ERVW-1: variants seen among roughly 807,000 people sequenced by gnomAD.
ERVW-1 encodes the protein syncytin-1.
A neutral mutation model predicts 16.6 loss-of-function variants in ERVW-1; 21 were observed. The ratio of observed to expected loss-of-function variants is 1.26; its 90% confidence interval spans 0.90 to 1.82. The LOEUF (loss-of-function observed/expected upper bound fraction) is 1.82, where lower values mean the gene tolerates loss of function less well. Ranked by LOEUF, ERVW-1 falls within the 40% of genes most tolerant of loss-of-function variation. ERVW-1 has a pLI of 0.00. For missense variants in ERVW-1, 412 were observed against 300.2 expected (o/e 1.37, Z -2.75); for synonymous variants, 161 against 109.8 (o/e 1.47, Z -2.92).
chr7:92,469,440 G>A lies in ERVW-1; in HGVS notation c.942C>T (p.Arg314=). 1 of 770,752 alleles carries A rather than the reference G, an allele frequency of 1.3e-6. No homozygotes were observed. The highest frequency in any genetic ancestry group is 2.4e-6 in the Non-Finnish European group (1 of 414,984). The allele number at this position is 770,752 out of a possible 1,614,324, so 47.7% of individuals were successfully genotyped here. ...AAGGAAGAATGGGTACTCTTTTGTT[G>A]CGGGGCTTAGATATGACATAACTGT... ...DLYSYVISKP[R]NKRVPILPFV... The change falls in exon 2 of 2, where the codon CGC becomes CGT. Residue 314 remains arginine, a synonymous_variant. Transcript: ENST00000603053.
chr7:92,474,348 CAGAG>C (rs1299704289), intron 1 of ERVW-1, among the ~76,000 whole-genome samples: 1 of 152,192 alleles, frequency 6.6e-6, no homozygotes, highest in Non-Finnish European at 1.5e-5. Context: ...AGTCAGGTGA[CAGAG>C]AGGCACGCTT....
In ERVW-1 at chr7:92,469,281, G is replaced by C. The variant is rs558607456; in HGVS notation, c.1101C>G (p.Thr367=). 6.5e-6 allele frequency: 5 copies of C among 764,384 alleles called. No homozygotes were observed. In the African/African-American group the frequency reaches 8.4e-5, roughly 13 times the overall value. 47.4% of individuals were successfully genotyped at this position (764,384 alleles called of 1,614,324 possible). Residue 367 remains threonine, a synonymous_variant, in exon 2 of 2, where the codon ACC becomes ACG. Coordinates refer to ENST00000603053, the MANE Select transcript of ERVW-1 (RefSeq NM_001130925.2). ...CTAGGGAGTTAAGTTGATCTTGCAA[G>C]GTGACCAGGGAGTCGGCGACCCGTT... ...DMERVADSLV[T]LQDQLNSLAA... is the part of the protein sequence containing the mutation.
chr7:92,477,056 A>G (rs1041603889), intron 1 of ERVW-1, among the ~76,000 whole-genome samples: 4 of 152,188 alleles, frequency 2.6e-5, no homozygotes, highest in Non-Finnish European at 4.4e-5. Context: ...GGGTGCATGC[A>G]TGGGCGACTG....
At chr7:92,475,266 C>T (rs996899583) in intron 1 of ERVW-1, 1 of 151,706 alleles carries the variant, frequency 6.6e-6, no homozygotes, top group Non-Finnish European at 1.5e-5. Context: ...CTCCAGAATA[C>T]GTCTTAGGGG....
chr7:92,474,059 C>A (rs982617820), intron 1 of ERVW-1, among the ~76,000 whole-genome samples: 1 of 151,934 alleles, frequency 6.6e-6, no homozygotes, highest in African/African-American at 2.4e-5. Flanking sequence ...GGAAGCAAGC[C>A]CTATTAGGCA....
At chr7:92,475,657 C>A (rs1790508971) in intron 1 of ERVW-1, among the ~76,000 whole-genome samples, 1 of 142,472 alleles carries the variant, frequency 7.0e-6, no homozygotes, top group Non-Finnish European at 1.5e-5. Flanking sequence ...GTCCTGCACC[C>A]CTTTTCCCGC....
At chr7:92,475,277 C>T (rs567067211) in intron 1 of ERVW-1, 6 of 152,092 alleles carry the variant, frequency 3.9e-5, no homozygotes, top group African/African-American at 9.6e-5. Flanking sequence ...GTCTTAGGGG[C>T]GTTTTTGTCT....
chr7:92,470,114 T>G lies in ERVW-1; in HGVS notation c.268A>C (p.Lys90Gln). ...MHANTHYWTG[K>Q]MINPSCPGGL... ...CCAGGACAACTAGGATTAATCATTTTTCCTGTCCAATAATGAGTATTTGCA... is the reference window on the plus strand; with the variant it reads ...CCAGGACAACTAGGATTAATCATTTGTCCTGTCCAATAATGAGTATTTGCA... Residue 90 changes from lysine (K) to glutamine (Q), a missense_variant, in exon 2 of 2, where the codon AAA becomes CAA. Coordinates refer to ENST00000603053, the MANE Select transcript of ERVW-1 (RefSeq NM_001130925.2). The G allele has an allele frequency of 1.3e-6, 1 of 778,890 alleles. No individual in the cohort carries two copies. Among genetic ancestry groups the G allele is most frequent in the Non-Finnish European group, 2.4e-6 (1 of 417,952 alleles). 48.2% of individuals were successfully genotyped at this position (778,890 alleles called of 1,614,324 possible). A position where few individuals can be genotyped will look rare whatever the true frequency, so the allele number is the denominator to read the frequency against.
At chr7:92,473,157 G>C (rs1585192004) in intron 1 of ERVW-1, 1 of 152,188 alleles carries the variant, frequency 6.6e-6, no homozygotes, top group South Asian at 2.1e-4. Context: ...GTCCAGGACT[G>C]TAAACCACTC....
intron 1 of ERVW-1, chr7:92,473,037 TG>T (rs1219954173): frequency 2.0e-5 from 3 of 152,158 alleles, no homozygotes; most frequent in Non-Finnish European, 2.9e-5. Flanking sequence ...CCTGAACCCT[TG>T]GGGTAAAATA....
intron 1 of ERVW-1, among the ~76,000 whole-genome samples, chr7:92,475,750 CA>C (rs1562833311): frequency 6.6e-6 from 1 of 152,206 alleles, no homozygotes; most frequent in African/African-American, 2.4e-5. Context: ...CCTTTGCGCT[CA>C]GGGGTGAGTC....
In ERVW-1 at chr7:92,469,910, G is replaced by C. The variant is rs754297939; in HGVS notation, c.472C>G (p.Leu158Val). 6.4e-6 allele frequency: 5 copies of C among 778,672 alleles called. No homozygotes were observed. In the East Asian group the frequency reaches 1.2e-4, roughly 19 times the overall value. The allele number at this position is 778,672 out of a possible 1,614,324, so 48.2% of individuals were successfully genotyped here. ...GLDLSKLHET[L>V]RTHTRLVSLF... ...CTTACCAGGCGAGTATGGGTACGGA[G>C]GGTTTCATGTAGTTTTGAGAGATCT... The change falls in exon 2 of 2, where the codon CTC (leucine) becomes GTC (valine). Residue 158 changes from leucine to valine, a missense_variant. Leu to Val is a conservative substitution (Grantham distance 32). Transcript: ENST00000603053.
Position 92,469,437 on chromosome 7 carries a change from GT to G in ERVW-1, c.944del (p.Asn315ThrfsTer11), listed in dbSNP as rs1209952255. ...LYSYVISKPR[N>X]KRVPILPFVI... Reference sequence around the variant, plus strand: ...CAAAAGGAAGAATGGGTACTCTTTTGTTGCGGGGCTTAGATATGACATAACT... The same window carrying G: ...CAAAAGGAAGAATGGGTACTCTTTTGTGCGGGGCTTAGATATGACATAACT... On this transcript the variant is annotated frameshift_variant, in exon 2 of 2. Transcript: ENST00000603053. LOFTEE classifies it high-confidence loss of function. The G allele has an allele frequency of 1.3e-6, 1 of 771,132 alleles. No individual in the cohort carries two copies. Among genetic ancestry groups the G allele is most frequent in the Non-Finnish European group, 2.4e-6 (1 of 415,240 alleles). The allele number at this position is 771,132 out of a possible 1,614,324, so 47.8% of individuals were successfully genotyped here. A position where few individuals can be genotyped will look rare whatever the true frequency, so the allele number is the denominator to read the frequency against.
At chr7:92,474,520 T>C (rs1226519449) in intron 1 of ERVW-1, 1 of 152,282 alleles carries the variant, frequency 6.6e-6, no homozygotes, top group Non-Finnish European at 1.5e-5. Context: ...CCAATCTCCA[T>C]GTTCTGATTC....
At chr7:92,472,790 G>A (rs1338663693) in intron 1 of ERVW-1, 1 of 152,220 alleles carries the variant, frequency 6.6e-6, no homozygotes, top group Non-Finnish European at 1.5e-5. Context: ...GGGCCCTGGT[G>A]CCTTTGGATA....
intron 1 of ERVW-1, chr7:92,471,208 C>T (rs780860042): frequency 1.4e-4 from 24 of 167,036 alleles, no homozygotes; most frequent in Non-Finnish European, 3.4e-4. Flanking sequence ...TACTGAAATC[C>T]CTGAGGTTTG....
Position 92,469,215 on chromosome 7 carries a change from T to C in ERVW-1, c.1167A>G (p.Leu389=). Residue 389 remains leucine, a synonymous_variant, in exon 2 of 2, where the codon CTA becomes CTG. Coordinates refer to ENST00000603053, the MANE Select transcript of ERVW-1 (RefSeq NM_001130925.2). ...AACAGGTTCCCCCTCTTTCAGCGGT[T>C]AGCAAGTCTAAAGCTCTTCGATTTT... ...VLQNRRALDL[L]TAERGGTCLF... 2 of 758,644 alleles carry C rather than the reference T, an allele frequency of 2.6e-6. No homozygotes were observed. The highest frequency in any genetic ancestry group is 4.8e-6 in the Non-Finnish European group (2 of 414,862). The allele number at this position is 758,644 out of a possible 1,614,324, so 47.0% of individuals were successfully genotyped here.
At chr7:92,477,150 G>A (rs1435009801) in intron 1 of ERVW-1, among the ~76,000 whole-genome samples, 1 of 152,040 alleles carries the variant, frequency 6.6e-6, no homozygotes, top group Non-Finnish European at 1.5e-5. Flanking sequence ...GTCGGCCCTC[G>A]GCTTCCCCAA....
At position 92,469,766 on chromosome 7, in the gene ERVW-1, A is replaced by G. The variant is rs756827058; in HGVS notation, c.616T>C (p.Trp206Arg). The change falls in exon 2 of 2, where the codon TGG becomes CGG. Residue 206 changes from tryptophan (W) to arginine (R), a missense_variant. By Grantham distance (101) the Trp-to-Arg change is moderately radical (BLOSUM62 -3). Transcript: ENST00000603053. ...TTTATTTCTGTGCTGAAGTTGTTCCATTGTTCAGGTACAGGGATTGAAACA... is the reference window on the plus strand; with the variant it reads ...TTTATTTCTGTGCTGAAGTTGTTCCGTTGTTCAGGTACAGGGATTGAAACA... ...PYVSIPVPEQ[W>R]NNFSTEINTT... 1 of 764,348 alleles carries G rather than the reference A, an allele frequency of 1.3e-6. No individual in the cohort carries two copies. Among genetic ancestry groups the G allele is most frequent in the South Asian group, 1.3e-5 (1 of 74,374 alleles). 47.3% of individuals were successfully genotyped at this position (764,348 alleles called of 1,614,324 possible). A position where few individuals can be genotyped will look rare whatever the true frequency, so the allele number is the denominator to read the frequency against.
Sources: gnomAD v4.1 joint callset for allele counts (sites outside exome capture counted in the v4.1 genomes callset) on GRCh38, gnomAD v4.1.1 for gene constraint, MANE v1.5 for transcripts, NCBI Gene and HGNC (gene_info 2026-07-23, HGNC 2026-07-21) for gene names.